Variants in POLK observed in about 807,000 individuals in gnomAD.
POLK encodes polymerase (DNA directed) kappa.
In POLK, 76 loss-of-function variants were observed where a neutral mutation model predicts 94.0. The ratio of observed to expected loss-of-function variants is 0.81; its 90% confidence interval spans 0.67 to 0.98. POLK has a LOEUF of 0.98. Ranked by LOEUF, POLK falls within the 50% of genes least tolerant of loss-of-function variation. The pLI is 0.00. For synonymous variants in POLK, 349 were observed against 325.4 expected (o/e 1.07, Z -0.78); for missense variants, 954 against 1,010.1 (o/e 0.94, Z 0.75).
intron 1 of POLK, among the ~76,000 whole-genome samples, chr5:75,521,180 A>G (rs1046706921): frequency 6.6e-5 from 10 of 152,082 alleles, no homozygotes; most frequent in Non-Finnish European, 7.4e-5. Flanking sequence ...ATTTTTTTGA[A>G]TAAACTTTCT....
chr5:75,591,384 C>T (rs1310215266), intron 11 of POLK, among the ~76,000 whole-genome samples: 2 of 151,914 alleles, frequency 1.3e-5, no homozygotes, highest in Non-Finnish European at 2.9e-5. Context: ...CTCTATCATA[C>T]CTTGAATTTA....
At chr5:75,593,852 T>A in intron 11 of POLK, 26 bp from the exon 12 acceptor site, 1 of 1,348,494 alleles carries the variant, frequency 7.4e-7, no homozygotes, top group Non-Finnish European at 1.0e-6. Flanking sequence ...CATAAATAAA[T>A]AAATAACATA....
chr5:75,511,283 T>A (rs1230788194), upstream of POLK: 3 of 1,577,956 alleles, frequency 1.9e-6, no homozygotes, highest in Non-Finnish European at 2.6e-6. Context: ...GTCCTCGGGG[T>A]GAAGGGTCGG....
chr5:75,529,974 TAAC>T (rs1223792976), intron 1 of POLK, among the ~76,000 whole-genome samples: 2 of 152,198 alleles, frequency 1.3e-5, no homozygotes, highest in African/African-American at 2.4e-5. Flanking sequence ...ATGAAATGGC[TAAC>T]AACAACAAAA....
At chr5:75,542,851 T>TA (rs1315773948) in intron 1 of POLK, among the ~76,000 whole-genome samples, 3 of 150,414 alleles carry the variant, frequency 2.0e-5, no homozygotes, top group Non-Finnish European at 4.4e-5. Flanking sequence ...TAGCTGGGAT[T>TA]ACAGGCATCT....
rs140001149 is a variant in POLK at position 75,549,777 on chromosome 5, C to A, written c.135+2620C>A. ...ATAGTAAAGTAAATCCCCATATAAT[C>A]ATCACCCAGCATCAACAATTACCAA... On this transcript the variant is annotated intron_variant, in intron 2 of 14. Coordinates refer to ENST00000241436, the Ensembl canonical transcript of POLK. Among the ~76,000 whole-genome samples, 316 of 152,090 alleles carry A rather than the reference C, an allele frequency of 2.1e-3. 1 individual carries two copies. In the East Asian group the frequency reaches 0.027, roughly 13 times the overall value.
chr5:75,554,087 C>G lies in POLK; in HGVS notation c.255+1496C>G, dbSNP rs5744619. On this transcript the variant is annotated intron_variant, in intron 3 of 14. Transcript: ENST00000241436. ...GCAAGTACAGTAATTTGCTATTAAA[C>G]AAGTGAAAAAGAAGTTGCACACATT... 4.7e-3 allele frequency among the ~76,000 whole-genome samples: 711 copies of G among 152,206 alleles called. 5 individuals are homozygous for G. The highest frequency in any genetic ancestry group is 0.016 in the African/African-American group (678 of 41,536).
chr5:75,584,783 A>T, exon 9 of POLK: 1 of 1,557,566 alleles, frequency 6.4e-7, no homozygotes, highest in Non-Finnish European at 8.7e-7. Context: ...GAAAAGTTAC[A>T]GAGAAAATGT....
At chr5:75,604,578 T>C (rs1773375965), downstream of POLK, among the ~76,000 whole-genome samples, 1 of 152,178 alleles carries the variant, frequency 6.6e-6, no homozygotes. Flanking sequence ...GATCTTGCTA[T>C]GTGGCCTAGA....
intron 3 of POLK, among the ~76,000 whole-genome samples, chr5:75,557,092 C>T (rs1317059503): frequency 6.6e-6 from 1 of 152,104 alleles, no homozygotes; most frequent in Non-Finnish European, 1.5e-5. Context: ...AGAAACTCTT[C>T]TCCATTTTAT....
intron 5 of POLK, among the ~76,000 whole-genome samples, chr5:75,574,217 T>A (rs973119055): frequency 1.3e-5 from 2 of 152,192 alleles, no homozygotes; most frequent in African/African-American, 4.8e-5. Context: ...TATTTATAAC[T>A]TACAGAATCT....
intron 14 of POLK, 25 bp downstream of exon 14, chr5:75,597,814 A>C: frequency 7.0e-7 from 1 of 1,435,068 alleles, no homozygotes; most frequent in Non-Finnish European, 9.4e-7. Context: ...AGCTTTAATA[A>C]AGCTGGCTAC....
At chr5:75,608,701 T>A in the POLK span, 1 of 152,286 alleles carries the variant, frequency 6.6e-6, no homozygotes, top group Non-Finnish European at 1.5e-5. Flanking sequence ...CCTGAAACCT[T>A]AATGATACGA....
chr5:75,600,315 G>T (rs1030176486), exon 15 of POLK: 1 of 152,136 alleles, frequency 6.6e-6, no homozygotes, highest in African/African-American at 2.4e-5. Context: ...AAAATGAAAT[G>T]ATCTAATGAT....
intron 1 of POLK, among the ~76,000 whole-genome samples, chr5:75,543,479 G>A (rs529632276): frequency 6.6e-6 from 1 of 152,200 alleles, no homozygotes; most frequent in Non-Finnish European, 1.5e-5. Context: ...ATTTGCATGA[G>A]CAACTGGAAT....
At chr5:75,593,383 A>G (rs1034149236) in intron 11 of POLK, among the ~76,000 whole-genome samples, 3 of 152,012 alleles carry the variant, frequency 2.0e-5, no homozygotes, top group Admixed American at 2.0e-4. Context: ...GCCCGCCCAA[A>G]ATGCTGGGAT....
intron 4 of POLK, 112 bp from the exon 5 acceptor site, chr5:75,573,626 G>T (rs1771716393): frequency 1.1e-6 from 1 of 895,640 alleles, no homozygotes; most frequent in Admixed American, 2.3e-5. Context: ...GCCTATAAAT[G>T]AAATGTCCTT....
chr5:75,588,387 G>C (rs1772583089), intron 10 of POLK, among the ~76,000 whole-genome samples: 1 of 152,106 alleles, frequency 6.6e-6, no homozygotes, highest in Non-Finnish European at 1.5e-5. Context: ...AATGAACAAA[G>C]TTCTAAATAA....
chr5:75,598,139 C>T lies in POLK; in HGVS notation c.*121C>T, dbSNP rs1020579674. Reference sequence around the variant, plus strand: ...GTGAAGGCAAGTGCAATAATCCTTCCTCAGATGATGTTTGCTTTTCTAAGA... The same window carrying T: ...GTGAAGGCAAGTGCAATAATCCTTCTTCAGATGATGTTTGCTTTTCTAAGA... On this transcript the variant is annotated 3_prime_UTR_variant, in exon 15 of 15. Coordinates refer to ENST00000241436, the Ensembl canonical transcript of POLK. 6.3e-6 allele frequency: 3 copies of T among 476,936 alleles called. No homozygotes were observed. In the South Asian group the frequency reaches 1.3e-4, roughly 21 times the overall value. The allele number at this position is 476,936 out of a possible 1,614,324, so 29.5% of individuals were successfully genotyped here. A position where few individuals can be genotyped will look rare whatever the true frequency, so the allele number is the denominator to read the frequency against.
Sources: allele counts gnomAD v4.1 joint callset (sites outside exome capture counted in the v4.1 genomes callset), GRCh38; gene constraint gnomAD v4.1.1; transcripts MANE v1.5; gene names NCBI Gene and HGNC (gene_info 2026-07-23, HGNC 2026-07-21).